IL23R: variants seen among roughly 807,000 people sequenced by gnomAD.
IL23R encodes the protein interleukin 23 receptor.
IL23R carries 34 observed loss-of-function variants against 56.9 expected under a neutral mutation model. The observed-to-expected ratio is 0.60, with a 90% CI of 0.45 to 0.80. IL23R has a LOEUF of 0.80. IL23R is among the 30% of genes least tolerant of loss of function. IL23R has a pLI of 0.00. For synonymous variants in IL23R, 230 were observed against 249.2 expected (o/e 0.92, Z 0.73); for missense variants, 635 against 730.0 (o/e 0.87, Z 1.50).
intron 1 of IL23R, among the ~76,000 whole-genome samples, chr1:67,155,213 GCC>G (rs1375410787): frequency 6.6e-6 from 1 of 152,106 alleles, no homozygotes; most frequent in Non-Finnish European, 1.5e-5. Context: ...CTCTCTGGCT[GCC>G]CTTAACAGTT....
intron 1 of IL23R, among the ~76,000 whole-genome samples, chr1:67,150,421 T>A (rs761507136): frequency 1.3e-5 from 2 of 151,892 alleles, no homozygotes; most frequent in Non-Finnish European, 2.9e-5. Context: ...TCCCTCCCCT[T>A]GCTCCCCACC....
intron 8 of IL23R, among the ~76,000 whole-genome samples, chr1:67,239,225 A>T (rs1340491656): frequency 6.6e-6 from 1 of 152,132 alleles, no homozygotes; most frequent in African/African-American, 2.4e-5. Flanking sequence ...TAGGAGATTA[A>T]CTCAACTTTG....
At chr1:67,218,346 G>GTA (rs1375633931) in intron 6 of IL23R, among the ~76,000 whole-genome samples, 10 of 141,208 alleles carry the variant, frequency 7.1e-5, no homozygotes, top group African/African-American at 2.4e-4. Flanking sequence ...GTGTGTGTGT[G>GTA]TGTGTGTGTG....
chr1:67,219,407 A>C, intron 6 of IL23R, 167 bp from the exon 7 acceptor site: 2 of 644,506 alleles, frequency 3.1e-6, no homozygotes, highest in Middle Eastern at 4.3e-4. Context: ...TGTATTTCAG[A>C]GACAGTATTT....
At chr1:67,151,989 T>C (rs1027662057) in intron 1 of IL23R, among the ~76,000 whole-genome samples, 3 of 152,228 alleles carry the variant, frequency 2.0e-5, no homozygotes, top group African/African-American at 7.2e-5. Flanking sequence ...ATTTTTCTAA[T>C]TCTGCGAAGA....
intron 5 of IL23R, among the ~76,000 whole-genome samples, chr1:67,205,484 G>A (rs1648941388): frequency 2.0e-5 from 3 of 152,170 alleles, no homozygotes. Flanking sequence ...AGCTATCAAA[G>A]TCATAGGTTT....
At chr1:67,174,251 T>C (rs986771745) in intron 3 of IL23R, among the ~76,000 whole-genome samples, 5 of 151,388 alleles carry the variant, frequency 3.3e-5, no homozygotes, top group African/African-American at 1.2e-4. Context: ...ATAAAGGCTG[T>C]ACCAATTTGT....
intron 1 of IL23R, among the ~76,000 whole-genome samples, chr1:67,147,622 C>T (rs1415617319): frequency 6.6e-6 from 1 of 152,130 alleles, no homozygotes; most frequent in South Asian, 2.1e-4. Flanking sequence ...ATAGCTTAAA[C>T]TTGGGAAGCA....
At chr1:67,214,986 TG>T (rs1388798742) in intron 6 of IL23R, among the ~76,000 whole-genome samples, 5 of 152,314 alleles carry the variant, frequency 3.3e-5, no homozygotes, top group Admixed American at 3.3e-4. Context: ...TGCCCTGTTT[TG>T]TTTCTCTCTG....
chr1:67,217,349 G>T (rs1371905446), intron 6 of IL23R, among the ~76,000 whole-genome samples: 1 of 152,066 alleles, frequency 6.6e-6, no homozygotes, highest in Non-Finnish European at 1.5e-5. Context: ...TGTTGTACTT[G>T]CAGGGCCCTA....
At position 67,258,917 on chromosome 1, in the gene IL23R, C is replaced by T. The variant is rs1210149461; in HGVS notation, c.1679C>T (p.Ser560Phe). ...ATATTAAATCAAGGAGAATGCAGTT[C>T]TCCTGACATACAAAACTCAGTAGAG... ...SLILNQGECS[S>F]PDIQNSVEEE... The change falls in exon 11 of 11, where the codon TCT becomes TTT. Residue 560 changes from serine to phenylalanine, a missense_variant. By Grantham distance (155) the Ser-to-Phe change is radical (BLOSUM62 -2). Transcript: ENST00000347310. The T allele has an allele frequency of 3.1e-6, 5 of 1,613,898 alleles. No individual in the cohort carries two copies. The African/African-American group carries it at 6.7e-5, about 22-fold the overall frequency.
chr1:67,167,353 G>C (rs922741095), intron 1 of IL23R, among the ~76,000 whole-genome samples: 1 of 152,248 alleles, frequency 6.6e-6, no homozygotes, highest in African/African-American at 2.4e-5. Context: ...TTACAGGCAT[G>C]AGCCACCACG....
At chr1:67,193,540 A>G (rs995381355) in intron 4 of IL23R, among the ~76,000 whole-genome samples, 2 of 152,226 alleles carry the variant, frequency 1.3e-5, no homozygotes, top group African/African-American at 4.8e-5. Flanking sequence ...AATTACAACT[A>G]TATCTAGGTG....
chr1:67,243,586 T>G (rs1228740735), intron 9 of IL23R, among the ~76,000 whole-genome samples: 1 of 152,174 alleles, frequency 6.6e-6, no homozygotes, highest in Non-Finnish European at 1.5e-5. Flanking sequence ...TGTGTTAGTT[T>G]GCTGAGAATG....
At chr1:67,164,490 G>A (rs966503228), upstream of IL23R, among the ~76,000 whole-genome samples, 5 of 152,132 alleles carry the variant, frequency 3.3e-5, no homozygotes, top group South Asian at 2.1e-4. Flanking sequence ...AAAAATTACC[G>A]GGGCATGGTG....
At chr1:67,160,677 T>A (rs1159805838) in intron 1 of IL23R, among the ~76,000 whole-genome samples, 1 of 152,138 alleles carries the variant, frequency 6.6e-6, no homozygotes, top group East Asian at 1.9e-4. Flanking sequence ...AACTCTATTC[T>A]TTTTTGTTCC....
In IL23R at chr1:67,244,441, A is replaced by G. The variant is rs143802489; in HGVS notation, c.1148+4160A>G. ...GTATTCTTCTAGGTTTTTTATGGTT[A>G]TTAGGTCTTATGTTTAAGTATTGAA... On this transcript the variant is annotated intron_variant, in intron 9 of 10. Coordinates refer to ENST00000347310, the MANE Select transcript of IL23R (RefSeq NM_144701.3). Among the ~76,000 whole-genome samples, 279 of 151,996 alleles carry G rather than the reference A, an allele frequency of 1.8e-3. 4 individuals are homozygous for G. In the East Asian group the frequency reaches 0.046, roughly 25 times the overall value.
intron 3 of IL23R, among the ~76,000 whole-genome samples, chr1:67,173,943 T>C (rs1646977204): frequency 6.6e-6 from 1 of 152,194 alleles, no homozygotes; most frequent in African/African-American, 2.4e-5. Flanking sequence ...TGCCATATGA[T>C]CATGACTTCA....
chr1:67,164,182 G>A (rs1183398783), upstream of IL23R, among the ~76,000 whole-genome samples: 1 of 152,020 alleles, frequency 6.6e-6, no homozygotes, highest in African/African-American at 2.4e-5. Context: ...AACAATAAAG[G>A]CCAGAAAATC....
Sources: gnomAD v4.1 joint callset for allele counts (sites outside exome capture counted in the v4.1 genomes callset) on GRCh38, gnomAD v4.1.1 for gene constraint, MANE v1.5 for transcripts, NCBI Gene and HGNC (gene_info 2026-07-23, HGNC 2026-07-21) for gene names.